The following NCOA3 variants were observed in gnomAD, a reference collection of about 807,000 sequenced individuals.
NCOA3 encodes nuclear receptor coactivator 3, also known as CBP-interacting protein.
Under a neutral mutation model 158.8 loss-of-function variants are expected in NCOA3, and 51 were observed. That is an observed-to-expected ratio of 0.32 (90% CI 0.26 to 0.41). The LOEUF is 0.41. Ranked by LOEUF, NCOA3 falls within the 10% of genes least tolerant of loss-of-function variation. The probability of loss-of-function intolerance (pLI) is 1.00; values close to 1 mark genes in which losing one functional copy is unlikely to be tolerated. For synonymous variants in NCOA3, 537 were observed against 592.4 expected (o/e 0.91, Z 1.36); for missense variants, 1,510 against 1,746.6 (o/e 0.86, Z 2.41).
chr20:47,517,204 A>G (rs2084247893), intron 1 of NCOA3, among the ~76,000 whole-genome samples: 1 of 152,144 alleles, frequency 6.6e-6, no homozygotes, highest in Non-Finnish European at 1.5e-5. Context: ...GGTGACAGCG[A>G]GACTCCGTCT....
intron 2 of NCOA3, among the ~76,000 whole-genome samples, chr20:47,612,691 G>A (rs1453050591): frequency 6.6e-6 from 1 of 152,228 alleles, no homozygotes; most frequent in Non-Finnish European, 1.5e-5. Context: ...TCAGACTTAA[G>A]TCTGTTCTTA....
intron 1 of NCOA3, among the ~76,000 whole-genome samples, chr20:47,558,427 C>T (rs774882103): frequency 6.6e-6 from 1 of 151,594 alleles, no homozygotes; most frequent in Admixed American, 6.6e-5. Flanking sequence ...TTAGGGCCAC[C>T]CTAGTGACCT....
intron 3 of NCOA3, 136 bp from the exon 4 acceptor site, chr20:47,623,775 C>T (rs995225480): frequency 4.4e-5 from 35 of 794,670 alleles, no homozygotes; most frequent in Middle Eastern, 7.7e-4. Context: ...GCAACAAGAG[C>T]GAAAACTCTG....
intron 1 of NCOA3, among the ~76,000 whole-genome samples, chr20:47,550,302 G>C (rs1230455486): frequency 2.0e-5 from 3 of 151,686 alleles, no homozygotes; most frequent in Admixed American, 6.6e-5. Flanking sequence ...AAATTAGTCG[G>C]GCATGGAGGC....
In NCOA3 at chr20:47,636,389, C is replaced by G; in HGVS notation, c.2003C>G (p.Ser668Cys). 1 of 1,614,116 alleles carries G rather than the reference C, an allele frequency of 6.2e-7. No homozygotes were observed. The highest frequency in any genetic ancestry group is 1.1e-5 in the South Asian group (1 of 91,068). The change falls in exon 12 of 23, where the codon TCC (serine) becomes TGC (cysteine). Residue 668 changes from serine to cysteine, a missense_variant. Ser to Cys is a moderately radical substitution (Grantham distance 112). Transcript: ENST00000371998. Reference protein sequence around the residue: ...GVSSSTSGGVSSTSNMHGSLL... With the variant: ...GVSSSTSGGVCSTSNMHGSLL... ...TCCTCCTCTACATCTGGAGGAGTAT[C>G]CTCTACATCCAATATGCATGGGTCA...
intron 1 of NCOA3, among the ~76,000 whole-genome samples, chr20:47,543,974 A>G (rs971271527): frequency 1.3e-5 from 2 of 152,212 alleles, no homozygotes; most frequent in Non-Finnish European, 2.9e-5. Context: ...AAAGTTTAAA[A>G]AAAAACTATT....
chr20:47,642,173 A>AT (rs1226996938), intron 16 of NCOA3, 40 bp from the exon 17 acceptor site: 2 of 1,486,802 alleles, frequency 1.3e-6, no homozygotes, highest in African/African-American at 2.8e-5. Context: ...CTTAGAAAAA[A>AT]AAAAAGCACC....
intron 1 of NCOA3, among the ~76,000 whole-genome samples, chr20:47,558,861 T>C (rs2085055198): frequency 7.1e-6 from 1 of 141,836 alleles, no homozygotes; most frequent in Non-Finnish European, 1.5e-5. Context: ...ACAACCTCCA[T>C]GATTTCCTTG....
intron 1 of NCOA3, among the ~76,000 whole-genome samples, chr20:47,578,584 G>A (rs916383429): frequency 6.6e-6 from 1 of 152,198 alleles, no homozygotes; most frequent in African/African-American, 2.4e-5. Flanking sequence ...ATTGTTGCAA[G>A]TGAAACCTGT....
rs1042144683 is a variant in NCOA3, at chr20:47,622,268, C to G, written c.21C>G (p.Asn7Lys). ...TCAAGATGAGTGGATTAGGAGAAAA[C>G]TTGGATCCACTGGCCAGTGATTCAC... MSGLGENLDPLASDSRK... is the reference protein window; with the variant it reads MSGLGEKLDPLASDSRK... The change falls in exon 3 of 23, where the codon AAC becomes AAG. Residue 7 changes from asparagine (N) to lysine (K), a missense_variant. Physicochemically the swap from Asn to Lys is moderately conservative, Grantham distance 94. Around this residue, in one of 4 missense-constraint regions of NCOA3, gnomAD observed 309 missense variants for 427.1 expected, o/e 0.72. Transcript: ENST00000371998. 20 of 1,606,114 alleles carry G rather than the reference C, an allele frequency of 1.2e-5. No individual in the cohort carries two copies. The highest frequency in any genetic ancestry group is 4.5e-5 in the East Asian group (2 of 44,424).
intron 10 of NCOA3, 67 bp from the exon 11 acceptor site, chr20:47,635,255 A>C: frequency 4.9e-6 from 7 of 1,441,798 alleles, no homozygotes; most frequent in Non-Finnish European, 6.5e-6. Flanking sequence ...ATTTTATTTT[A>C]AATCTGATTA....
At chr20:47,587,495 A>G (rs1341850080) in intron 2 of NCOA3, among the ~76,000 whole-genome samples, 1 of 152,190 alleles carries the variant, frequency 6.6e-6, no homozygotes, top group African/African-American at 2.4e-5. Context: ...GATTGGGTCT[A>G]AGACCCTTTG....
At chr20:47,618,204 C>T (rs2086171143) in intron 2 of NCOA3, among the ~76,000 whole-genome samples, 1 of 152,092 alleles carries the variant, frequency 6.6e-6, no homozygotes, top group Admixed American at 6.5e-5. Flanking sequence ...CACTGCACTC[C>T]AGCCTGGGTG....
Position 47,655,368 on chromosome 20 carries a change from G to C in NCOA3, c.*1951G>C, listed in dbSNP as rs796834693. On this transcript the variant is annotated 3_prime_UTR_variant, in exon 23 of 23. Coordinates refer to ENST00000371998, the MANE Select transcript of NCOA3 (RefSeq NM_181659.3). ...ATTTTCTAGCAATAACTGAGAGCCA[G>C]TTAATTTTAAGAATTTCACACATTT... The C allele has an allele frequency of 6.6e-5, 10 of 152,310 alleles. No homozygotes were observed. The highest frequency in any genetic ancestry group is 2.4e-4 in the African/African-American group (10 of 41,552). The allele number at this position is 152,310 out of a possible 1,614,324, so 9.4% of individuals were successfully genotyped here. A position where few individuals can be genotyped will look rare whatever the true frequency, so the allele number is the denominator to read the frequency against.
chr20:47,530,353 TTA>T, intron 1 of NCOA3, among the ~76,000 whole-genome samples: 1 of 152,066 alleles, frequency 6.6e-6, no homozygotes, highest in East Asian at 1.9e-4. Context: ...GATGAGAAAA[TTA>T]AAGTTTTAAA....
At chr20:47,646,925 C>T in intron 17 of NCOA3, 148 bp from the exon 18 acceptor site, 1 of 660,788 alleles carries the variant, frequency 1.5e-6, no homozygotes, top group Admixed American at 2.9e-5. Context: ...GTATCCTTAG[C>T]ATGTAGAGAA....
chr20:47,643,203 C>T (rs987349531), intron 17 of NCOA3, among the ~76,000 whole-genome samples: 2 of 152,230 alleles, frequency 1.3e-5, no homozygotes, highest in Admixed American at 6.5e-5. Context: ...CGTGAGCCAC[C>T]GTGCCCAGCC....
In NCOA3 at chr20:47,627,671, C is replaced by A; in HGVS notation, c.643C>A (p.Pro215Thr). The A allele has an allele frequency of 6.2e-7, 1 of 1,614,176 alleles. No homozygotes were observed. Among genetic ancestry groups the A allele is most frequent in the Non-Finnish European group, 8.5e-7 (1 of 1,180,024 alleles). Residue 215 changes from proline to threonine, a missense_variant, in exon 7 of 23, where the codon CCT becomes ACT. Coordinates refer to ENST00000371998, the MANE Select transcript of NCOA3 (RefSeq NM_181659.3). ...HDILEDINAS[P>T]EMRQRYETMQ... is the part of the protein sequence containing the mutation. ...TATTCTGGAAGACATAAACGCCAGT[C>A]CTGAAATGCGCCAGAGATATGAAAC...
At chr20:47,534,795 A>T (rs960496529) in intron 1 of NCOA3, among the ~76,000 whole-genome samples, 3 of 152,086 alleles carry the variant, frequency 2.0e-5, no homozygotes, top group African/African-American at 4.8e-5. Context: ...GTGCACCTGT[A>T]GTCCCAGCTG....
Sources: gnomAD v4.1 joint callset for allele counts (sites outside exome capture counted in the v4.1 genomes callset) on GRCh38, gnomAD v4.1.1 for gene constraint, gnomAD v4.1.1 regional missense constraint, MANE v1.5 for transcripts, NCBI Gene and HGNC (gene_info 2026-07-23, HGNC 2026-07-21) for gene names.